Variants in CPQ observed in about 807,000 individuals in gnomAD.
CPQ encodes carboxypeptidase Q, also known as Ser-Met dipeptidase.
In CPQ, 37 loss-of-function variants were observed where a neutral mutation model predicts 45.7. The ratio of observed to expected loss-of-function variants is 0.81; its 90% CI spans 0.62 to 1.07. CPQ has a LOEUF of 1.07. Among genes scored for constraint, CPQ ranks in the 50% least tolerant of loss-of-function variants. The pLI, the probability that CPQ is intolerant of heterozygous loss-of-function variation, is 0.00. For synonymous variants in CPQ, 186 were observed against 205.8 expected, an observed-to-expected ratio of 0.90 and a Z score of 0.82; for missense variants, 537 against 572.9, an observed-to-expected ratio of 0.94 and a Z score of 0.64.
At chr8:97,132,417 A>C (rs1811972924) in intron 7 of CPQ, among the ~76,000 whole-genome samples, 1 of 152,146 alleles carries the variant, frequency 6.6e-6, no homozygotes, top group Admixed American at 6.5e-5. Flanking sequence ...CAGAAACAGC[A>C]TTTTCTTGTA....
rs1353304783 is a variant in CPQ, at chr8:97,123,172, TAAAATATA to T, written c.1256-19844_1256-19837del. Among the ~76,000 whole-genome samples the T allele has an allele frequency of 2.3e-3, 81 of 34,736 alleles. 2 individuals are homozygous for T. The highest frequency in any genetic ancestry group is 4.7e-3 in the Admixed American group (16 of 3,394). The allele number at this position is 34,736 out of a possible 152,430, so 22.8% of individuals were successfully genotyped here. On this transcript the variant is annotated intron_variant, in intron 7 of 7. Transcript: ENST00000220763. The stretch of plus-strand genomic sequence containing the variant: ...ATAAATAAAATAAAATAAAATAAAA[TAAAATATA>T]AAATAAAATAAAATAAAATAAAATA...
intron 2 of CPQ, among the ~76,000 whole-genome samples, chr8:96,824,517 C>A (rs1456476510): frequency 6.6e-6 from 1 of 151,822 alleles, no homozygotes; most frequent in Admixed American, 6.6e-5. Flanking sequence ...TATTTGAAAT[C>A]CTTACCCTAC....
chr8:96,862,264 A>G (rs1811935444), intron 3 of CPQ, among the ~76,000 whole-genome samples: 2 of 150,884 alleles, frequency 1.3e-5, no homozygotes, highest in Admixed American at 1.3e-4. Flanking sequence ...ATATGGGGAC[A>G]ATAATATTGA....
intron 3 of CPQ, among the ~76,000 whole-genome samples, chr8:96,836,334 G>A (rs944881991): frequency 1.3e-5 from 2 of 152,118 alleles, no homozygotes; most frequent in Non-Finnish European, 2.9e-5. Flanking sequence ...CAAAAGTGCA[G>A]GGAAAAGGAA....
At chr8:97,074,631 T>G (rs1486909394) in intron 7 of CPQ, among the ~76,000 whole-genome samples, 1 of 151,914 alleles carries the variant, frequency 6.6e-6, no homozygotes, top group Non-Finnish European at 1.5e-5. Context: ...ATTAGCCAGA[T>G]GTAGTAGCGG....
chr8:96,965,922 T>C lies in CPQ; in HGVS notation c.850-13T>C. On this transcript the variant is annotated splice_polypyrimidine_tract_variant and intron_variant, in intron 4 of 7. Coordinates refer to ENST00000220763, the MANE Select transcript of CPQ (RefSeq NM_016134.4). The stretch of plus-strand genomic sequence containing the variant: ...CTTAGTTTTATTTTTTAACTTTTTA[T>C]TATTTGTTCTAGGTTGTACTGGTCA... 6.6e-7 allele frequency: 1 copy of C among 1,511,618 alleles called. No homozygotes were observed. 93.6% of individuals were successfully genotyped at this position (1,511,618 alleles called of 1,614,324 possible). A position where few individuals can be genotyped will look rare whatever the true frequency, so the allele number is the denominator to read the frequency against.
intron 2 of CPQ, among the ~76,000 whole-genome samples, chr8:96,801,829 C>G (rs1159158524): frequency 6.6e-6 from 1 of 152,118 alleles, no homozygotes; most frequent in Non-Finnish European, 1.5e-5. Context: ...AATCTGTCTG[C>G]CTTTTTTCCT....
At chr8:96,673,650 G>A (rs1456991834) in intron 1 of CPQ, among the ~76,000 whole-genome samples, 5 of 152,232 alleles carry the variant, frequency 3.3e-5, no homozygotes, top group East Asian at 1.9e-4. Context: ...GCCTCCTGGC[G>A]CTATTCTCCT....
At chr8:97,046,891 A>G (rs1406809031) in intron 6 of CPQ, among the ~76,000 whole-genome samples, 3 of 152,388 alleles carry the variant, frequency 2.0e-5, no homozygotes, top group Admixed American at 1.3e-4. Flanking sequence ...GGAAAGGAAC[A>G]TAATAGTAGA....
chr8:96,788,619 A>G (rs1449825245), intron 2 of CPQ, among the ~76,000 whole-genome samples: 1 of 151,814 alleles, frequency 6.6e-6, no homozygotes, highest in Non-Finnish European at 1.5e-5. Flanking sequence ...CTTTATTCTC[A>G]TCTTACTTGG....
At chr8:96,861,898 G>T (rs989587847) in intron 3 of CPQ, among the ~76,000 whole-genome samples, 3 of 152,116 alleles carry the variant, frequency 2.0e-5, no homozygotes, top group African/African-American at 7.2e-5. Context: ...ACTTTTGGTG[G>T]TTGTGGATAC....
intron 4 of CPQ, among the ~76,000 whole-genome samples, chr8:96,926,616 TCTTCTTCTC>T (rs1297703833): frequency 4.4e-4 from 65 of 148,686 alleles, no homozygotes; most frequent in African/African-American, 1.6e-3. Flanking sequence ...TTCTTCTTCT[TCTTCTTCTC>T]CTCCTTCTCC....
chr8:96,714,155 G>A (rs1809647476), intron 1 of CPQ, among the ~76,000 whole-genome samples: 1 of 152,152 alleles, frequency 6.6e-6, no homozygotes, highest in Admixed American at 6.5e-5. Flanking sequence ...GGAGTTCTTT[G>A]AGATTCTTGT....
chr8:96,881,548 A>G (rs1812223364), intron 4 of CPQ, among the ~76,000 whole-genome samples: 1 of 152,192 alleles, frequency 6.6e-6, no homozygotes. Flanking sequence ...GGGCAGGGAC[A>G]CAGATCTAAA....
At chr8:97,013,721 A>G (rs1809531096) in intron 5 of CPQ, among the ~76,000 whole-genome samples, 1 of 152,150 alleles carries the variant, frequency 6.6e-6, no homozygotes, top group Non-Finnish European at 1.5e-5. Context: ...TGGAAAAGGG[A>G]GTAGTTGGAG....
At chr8:96,802,291 G>T (rs2130823037) in intron 2 of CPQ, among the ~76,000 whole-genome samples, 1 of 152,226 alleles carries the variant, frequency 6.6e-6, no homozygotes, top group Non-Finnish European at 1.5e-5. Flanking sequence ...GTCTGTAAAA[G>T]CTTTCTTTGA....
At chr8:96,693,584 C>G (rs187865800) in intron 1 of CPQ, among the ~76,000 whole-genome samples, 1 of 152,036 alleles carries the variant, frequency 6.6e-6, no homozygotes, top group Non-Finnish European at 1.5e-5. Flanking sequence ...AAGAAAAAAT[C>G]TTTTACCATG....
At chr8:96,744,848 C>G (rs116709813) in intron 1 of CPQ, among the ~76,000 whole-genome samples, 2,913 of 152,224 alleles carry the variant, frequency 0.019, 102 homozygotes, top group African/African-American at 0.067. Flanking sequence ...TCATTTCTAT[C>G]ATCTTATAAT....
chr8:97,110,540 C>T (rs1471019498), intron 7 of CPQ, among the ~76,000 whole-genome samples: 1 of 152,164 alleles, frequency 6.6e-6, no homozygotes, highest in African/African-American at 2.4e-5. Context: ...AGCTGTCAAA[C>T]TATTTTCCAA....
Sources: allele counts gnomAD v4.1 joint callset (sites outside exome capture counted in the v4.1 genomes callset), GRCh38; gene constraint gnomAD v4.1.1; transcripts MANE v1.5; gene names NCBI Gene and HGNC (gene_info 2026-07-23, HGNC 2026-07-21).